PTPRN2: variants seen among roughly 807,000 people sequenced by gnomAD.
The protein encoded by PTPRN2 is protein tyrosine phosphatase receptor type N2.
A neutral mutation model predicts 118.8 loss-of-function variants in PTPRN2; 74 were observed. The observed-to-expected ratio is 0.62, with a 90% CI of 0.52 to 0.76. PTPRN2 has a LOEUF of 0.76. PTPRN2 is among the 30% of genes least tolerant of loss of function. The pLI is 0.00. For synonymous variants in PTPRN2, 641 were observed against 608.0 expected (o/e 1.05, Z -0.80); for missense variants, 1,481 against 1,394.4 (o/e 1.06, Z -0.99).
At chr7:157,892,881 G>T (rs1000153526) in intron 12 of PTPRN2, among the ~76,000 whole-genome samples, 1 of 152,184 alleles carries the variant, frequency 6.6e-6, no homozygotes, top group Non-Finnish European at 1.5e-5. Flanking sequence ...GATGCATCCA[G>T]GAATAAGGCC....
chr7:157,581,542 G>A (rs1381556601), intron 17 of PTPRN2, among the ~76,000 whole-genome samples: 1 of 152,226 alleles, frequency 6.6e-6, no homozygotes, highest in African/African-American at 2.4e-5. Flanking sequence ...GCGCCCGGCA[G>A]GGACACAGCA....
At chr7:158,008,630 G>T (rs1175822265) in intron 11 of PTPRN2, among the ~76,000 whole-genome samples, 1 of 152,222 alleles carries the variant, frequency 6.6e-6, no homozygotes, top group East Asian at 1.9e-4. Context: ...GCAGCAGCCT[G>T]CCCCCCACCA....
At chr7:158,199,300 C>T (rs564339914) in intron 4 of PTPRN2, among the ~76,000 whole-genome samples, 5 of 152,312 alleles carry the variant, frequency 3.3e-5, no homozygotes, top group Admixed American at 6.5e-5. Flanking sequence ...CCCTTAGGTG[C>T]GAGCTCTGTT....
At chr7:157,735,074 G>C (rs11764973) in intron 12 of PTPRN2, among the ~76,000 whole-genome samples, 2,643 of 152,336 alleles carry the variant, frequency 0.017, 40 homozygotes, top group Non-Finnish European at 0.027. Flanking sequence ...CACCTGGCCT[G>C]GTGGACCTGT....
Position 157,816,436 on chromosome 7 carries a change from C to T in PTPRN2, c.1788+82237G>A, listed in dbSNP as rs112194677. On this transcript the variant is annotated intron_variant, in intron 12 of 22. Coordinates refer to ENST00000389418, the MANE Select transcript of PTPRN2 (RefSeq NM_002847.5). ...TTGGAAGCCAAGGGCTGGCAGAGGC[C>T]GAGCCAGCCTGGATCTCAGAGTGGC... Among the ~76,000 whole-genome samples the T allele has an allele frequency of 5.5e-3, 840 of 152,348 alleles. 3 individuals carry two copies. Among genetic ancestry groups the T allele is most frequent in the African/African-American group, 0.019 (782 of 41,570 alleles).
chr7:158,333,924 C>A (rs62480914), intron 2 of PTPRN2, among the ~76,000 whole-genome samples: 2 of 73,734 alleles, frequency 2.7e-5, no homozygotes, highest in East Asian at 4.4e-4. Flanking sequence ...CACACCCACA[C>A]TCTCACCATA....
At position 158,093,541 on chromosome 7, in the gene PTPRN2, C is replaced by T. The variant is rs1431458534; in HGVS notation, c.1644-12164G>A. On this transcript the variant is annotated intron_variant, in intron 10 of 22. Transcript: ENST00000389418. The surrounding 1 kb of genome is among the most constrained non-coding windows in gnomAD (Gnocchi z 4.4). The stretch of plus-strand genomic sequence containing the variant: ...GGCAAGCCCACAGCTTGGTGCTGGG[C>T]TAATCCAAGCTACCGACAGAAAACC... Among the ~76,000 whole-genome samples, 1 of 152,228 alleles carries T rather than the reference C, an allele frequency of 6.6e-6. No individual in the cohort carries two copies. Among genetic ancestry groups the T allele is most frequent in the Non-Finnish European group, 1.5e-5 (1 of 68,050 alleles).
chr7:158,522,083 G>A (rs13309237), intron 1 of PTPRN2, among the ~76,000 whole-genome samples: 395 of 32,504 alleles, frequency 0.012, 10 homozygotes, highest in East Asian at 0.029. Flanking sequence ...CTGTCCAGGT[G>A]CTGGCTCAGG....
At chr7:157,788,912 G>A (rs868598875) in intron 12 of PTPRN2, among the ~76,000 whole-genome samples, 11 of 152,228 alleles carry the variant, frequency 7.2e-5, no homozygotes, top group African/African-American at 2.4e-4. Context: ...GCTGGGGATA[G>A]CTCCCTGGAG....
Position 157,621,498 on chromosome 7 carries a change from C to T in PTPRN2, c.2208G>A (p.Glu736=). The part of the protein sequence containing the change: ...STGHMILSYM[E]DHLKNKNRLE... ...GCCGGTTCTTGTTCTTCAGGTGGTC[C>T]TCCATGTAGGACTGAAAGGGAAACA... The change falls in exon 15 of 23, where the codon GAG becomes GAA. Residue 736 remains glutamate, a synonymous_variant. Transcript: ENST00000389418. 6.2e-7 allele frequency: 1 copy of T among 1,613,192 alleles called. No homozygotes were observed. Among genetic ancestry groups the T allele is most frequent in the Non-Finnish European group, 8.5e-7 (1 of 1,180,036 alleles).
At chr7:158,124,729 G>C (rs979259933) in intron 9 of PTPRN2, among the ~76,000 whole-genome samples, 1 of 152,072 alleles carries the variant, frequency 6.6e-6, no homozygotes, top group African/African-American at 2.4e-5. Context: ...GGCGGAGGGA[G>C]GGCCTGGTGG....
chr7:157,787,783 T>G lies in PTPRN2; in HGVS notation c.1789-104846A>C, dbSNP rs1041371538. ...TTCCCTCGGACTTCATTTGTGCTCA[T>G]GGCTGGGGGAGGCACCTGGGGGCCC... is the stretch of plus-strand genomic sequence containing the variant. On this transcript the variant is annotated intron_variant, in intron 12 of 22. Coordinates refer to ENST00000389418, the MANE Select transcript of PTPRN2 (RefSeq NM_002847.5). The surrounding 1 kb of genome is among the most constrained non-coding windows in gnomAD (Gnocchi z 5.3). 2.6e-5 allele frequency among the ~76,000 whole-genome samples: 4 copies of G among 151,970 alleles called. No homozygotes were observed. The highest frequency in any genetic ancestry group is 9.7e-5 in the African/African-American group (4 of 41,370).
intron 2 of PTPRN2, among the ~76,000 whole-genome samples, chr7:158,396,748 G>A (rs1054856059): frequency 5.9e-5 from 9 of 152,182 alleles, no homozygotes; most frequent in Non-Finnish European, 5.9e-5. Flanking sequence ...TCCCCAAGCC[G>A]CCTCCACCTG....
chr7:157,871,231 C>T (rs2151260169), intron 12 of PTPRN2, among the ~76,000 whole-genome samples: 1 of 152,332 alleles, frequency 6.6e-6, no homozygotes, highest in African/African-American at 2.4e-5. Context: ...TGGCAGCACC[C>T]AGGGAGCTTG....
intron 11 of PTPRN2, among the ~76,000 whole-genome samples, chr7:158,072,161 T>C (rs199865084): frequency 6.9e-6 from 1 of 145,932 alleles, no homozygotes. Context: ...CAGTTGAACC[T>C]TTTGGTTCTG....
chr7:157,702,564 G>T (rs1037723121), intron 12 of PTPRN2, among the ~76,000 whole-genome samples: 1 of 152,218 alleles, frequency 6.6e-6, no homozygotes, highest in African/African-American at 2.4e-5. Flanking sequence ...CCACCGGCAG[G>T]CGTGCTGCGG....
At chr7:158,406,479 T>C (rs1485111693) in intron 2 of PTPRN2, among the ~76,000 whole-genome samples, 3 of 151,152 alleles carry the variant, frequency 2.0e-5, no homozygotes, top group East Asian at 3.9e-4. Flanking sequence ...CCATGAGACA[T>C]GTGGCTGCAC....
At position 158,185,060 on chromosome 7, in the gene PTPRN2, C is replaced by T. The variant is rs544305684; in HGVS notation, c.549+7267G>A. ...TTATGTTGGTTGATGTTTAAATGTT[C>T]GATATACCCTGCATATCTGGGATAA... On this transcript the variant is annotated intron_variant, in intron 5 of 22. Transcript: ENST00000389418. Among the ~76,000 whole-genome samples, 48 of 152,164 alleles carry T rather than the reference C, an allele frequency of 3.2e-4. No homozygotes were observed. In the South Asian group the frequency reaches 8.3e-3, roughly 26 times the overall value.
At chr7:158,520,944 A>G (rs1823941647) in intron 1 of PTPRN2, among the ~76,000 whole-genome samples, 1 of 152,188 alleles carries the variant, frequency 6.6e-6, no homozygotes, top group South Asian at 2.1e-4. Context: ...CCTGCAGGCC[A>G]TGAGGGCCTG....
Sources: allele counts gnomAD v4.1 joint callset (sites outside exome capture counted in the v4.1 genomes callset), GRCh38; gene constraint gnomAD v4.1.1; non-coding constraint Gnocchi (gnomAD v3.1); transcripts MANE v1.5; gene names NCBI Gene and HGNC (gene_info 2026-07-23, HGNC 2026-07-21).